Variants in TMEM252 observed in about 807,000 individuals in gnomAD.
TMEM252 encodes transmembrane protein C9orf71.
A neutral mutation model predicts 6.4 loss-of-function variants in TMEM252; 4 were observed. That is an observed-to-expected ratio of 0.62 (90% confidence interval 0.31 to 1.43). The LOEUF is 1.43. Among genes scored for constraint, TMEM252 ranks in the 40% most tolerant of loss-of-function variants. The pLI, the probability that TMEM252 is intolerant of heterozygous loss-of-function variation, is 0.07. For missense variants in TMEM252, 207 were observed against 209.4 expected (o/e 0.99, Z 0.07); for synonymous variants, 85 against 82.5 (o/e 1.03, Z -0.17).
chr9:68,538,991 T>C (rs989400467), intron 1 of TMEM252, among the ~76,000 whole-genome samples: 8 of 152,210 alleles, frequency 5.3e-5, no homozygotes, highest in African/African-American at 1.9e-4. Flanking sequence ...TTCTCTTAAT[T>C]TTTAATCAAA....
chr9:68,538,344 G>C (rs936798813), intron 1 of TMEM252, among the ~76,000 whole-genome samples: 1 of 152,222 alleles, frequency 6.6e-6, no homozygotes, highest in Admixed American at 6.5e-5. Flanking sequence ...AACCACAACA[G>C]AACAGGGACT....
In TMEM252 at chr9:68,537,494, C is replaced by T; in HGVS notation, c.279-1G>A. 4 of 1,599,566 alleles carry T rather than the reference C, an allele frequency of 2.5e-6. No individual in the cohort carries two copies. The highest frequency in any genetic ancestry group is 3.4e-6 in the Non-Finnish European group (4 of 1,175,698). On this transcript the variant is annotated splice_acceptor_variant, in intron 1 of 1. Coordinates refer to ENST00000377311, the MANE Select transcript of TMEM252 (RefSeq NM_153237.2). LOFTEE classifies it high-confidence loss of function. ...ATAAGCTGGAGGGTAAAAGTCTGGCCTAGGGGACAAAACAGCATAAACATG... is the reference window on the plus strand; with the variant it reads ...ATAAGCTGGAGGGTAAAAGTCTGGCTTAGGGGACAAAACAGCATAAACATG...
rs1041958298 is a variant in TMEM252, at chr9:68,536,919, T to A, written c.*340A>T. On this transcript the variant is annotated 3_prime_UTR_variant, in exon 2 of 2. Coordinates refer to ENST00000377311, the MANE Select transcript of TMEM252 (RefSeq NM_153237.2). The stretch of plus-strand genomic sequence containing the variant: ...AGCATCTATTCCTCCCTGGCTGGAG[T>A]TGAGGTGATGGGAGGGAAATTGAGT... 6 of 239,562 alleles carry A rather than the reference T, an allele frequency of 2.5e-5. No homozygotes were observed. In the South Asian group the frequency reaches 4.1e-4, roughly 16 times the overall value. 14.8% of individuals were successfully genotyped at this position (239,562 alleles called of 1,614,324 possible). A position where few individuals can be genotyped will look rare whatever the true frequency, so the allele number is the denominator to read the frequency against.
At position 68,540,790 on chromosome 9, in the gene TMEM252, G is replaced by A. The variant is rs765629059; in HGVS notation, c.25C>T (p.Leu9Phe). The change falls in exon 1 of 2, where the codon CTC (leucine) becomes TTC (phenylalanine). Residue 9 changes from leucine (L) to phenylalanine (F), a missense_variant. Leu to Phe is a conservative substitution (Grantham distance 22). Transcript: ENST00000377311. Reference protein sequence around the residue: MQNRTGLILCALALLMGFL... With the variant: MQNRTGLIFCALALLMGFL... ...CCCATCAGGAGGGCAAGAGCACAGAGAATGAGGCCAGTTCTGTTCTGCATC... is the reference window on the plus strand; with the variant it reads ...CCCATCAGGAGGGCAAGAGCACAGAAAATGAGGCCAGTTCTGTTCTGCATC... The A allele has an allele frequency of 2.5e-6, 4 of 1,614,074 alleles. No individual in the cohort carries two copies. In the South Asian group the frequency reaches 3.3e-5, roughly 13 times the overall value.
rs566744205 is a variant in TMEM252 at position 68,540,690 on chromosome 9, G to T, written c.125C>A (p.Ala42Glu). Reference protein sequence around the residue: ...SIFDCQGSLIAAYLLLPLGFV... With the variant: ...SIFDCQGSLIEAYLLLPLGFV... The stretch of plus-strand genomic sequence containing the variant: ...CCCCAGAGGCAGAAGCAAATAGGCC[G>T]CAATCAGGCTCCCCTGACAGTCGAA... Residue 42 changes from alanine (A) to glutamate (E), a missense_variant, in exon 1 of 2, where the codon GCG becomes GAG. By Grantham distance (107) the Ala-to-Glu change is moderately radical. Coordinates refer to ENST00000377311, the MANE Select transcript of TMEM252 (RefSeq NM_153237.2). 1 of 1,613,978 alleles carries T rather than the reference G, an allele frequency of 6.2e-7. No individual in the cohort carries two copies. Among genetic ancestry groups the T allele is most frequent in the East Asian group, 2.2e-5 (1 of 44,878 alleles).
intron 1 of TMEM252, 113 bp from the exon 2 acceptor site, chr9:68,537,606 T>G: frequency 1.3e-6 from 1 of 791,438 alleles, no homozygotes; most frequent in South Asian, 1.9e-5. Context: ...TTAAGAAACA[T>G]GGATTTTTGA....
chr9:68,539,014 G>A (rs188791967), intron 1 of TMEM252, among the ~76,000 whole-genome samples: 1 of 152,182 alleles, frequency 6.6e-6, no homozygotes, highest in East Asian at 1.9e-4. Flanking sequence ...CAGAAACTCT[G>A]CTGGTTAGTA....
intron 1 of TMEM252, among the ~76,000 whole-genome samples, chr9:68,539,584 G>A (rs1176223575): frequency 6.6e-6 from 1 of 152,218 alleles, no homozygotes; most frequent in East Asian, 1.9e-4. Context: ...TTAGCATAAT[G>A]TTTTCAACTT....
chr9:68,540,470 T>G, intron 1 of TMEM252, 67 bp downstream of exon 1: 1 of 1,588,802 alleles, frequency 6.3e-7, no homozygotes, highest in East Asian at 2.2e-5. Context: ...GGATCAGAAA[T>G]TACTCAGATC....
rs371602352 is a variant in TMEM252, at chr9:68,537,373, G to A, written c.399C>T (p.Phe133=). 6.2e-7 allele frequency: 1 copy of A among 1,608,548 alleles called. No homozygotes were observed. The highest frequency in any genetic ancestry group is 8.5e-7 in the Non-Finnish European group (1 of 1,178,218). ...CTGGGTGGGAGTCATTTCCATCCTG[G>A]AATTCCAGGCCCGTCTCTGTATATA... ...PPLYTETGLE[F]QDGNDSHPEA... The change falls in exon 2 of 2, where the codon TTC becomes TTT. Residue 133 remains phenylalanine, a synonymous_variant. Coordinates refer to ENST00000377311, the MANE Select transcript of TMEM252 (RefSeq NM_153237.2).
In TMEM252 at chr9:68,536,702, T is replaced by G. The variant is rs958425355; in HGVS notation, c.*557A>C. 2.0e-5 allele frequency: 3 copies of G among 152,278 alleles called. No homozygotes were observed. Among genetic ancestry groups the G allele is most frequent in the African/African-American group, 7.2e-5 (3 of 41,442 alleles). 9.4% of individuals were successfully genotyped at this position (152,278 alleles called of 1,614,324 possible). On this transcript the variant is annotated 3_prime_UTR_variant, in exon 2 of 2. Coordinates refer to ENST00000377311, the MANE Select transcript of TMEM252 (RefSeq NM_153237.2). ...AAAATAAAATAATACAAAATAACAT[T>G]CATGGGTTCCGAGGGCATATCTCCC...
Position 68,540,820 on chromosome 9 carries a change from C to T in TMEM252, c.-6G>A. On this transcript the variant is annotated 5_prime_UTR_variant, in exon 1 of 2. Transcript: ENST00000377311. ...AGGCCAGTTCTGTTCTGCATCCTTG[C>T]ACCTTAGGAACCCAGCACCCTGACC... The T allele has an allele frequency of 6.2e-7, 1 of 1,612,190 alleles. No homozygotes were observed. The highest frequency in any genetic ancestry group is 1.1e-5 in the South Asian group (1 of 91,044).
At position 68,540,785 on chromosome 9, in the gene TMEM252, A is replaced by G. The variant is rs764675427; in HGVS notation, c.30T>C (p.Cys10=). MQNRTGLIL[C]ALALLMGFLM... is the part of the protein sequence containing the mutation. ...GGAAACCCATCAGGAGGGCAAGAGC[A>G]CAGAGAATGAGGCCAGTTCTGTTCT... The change falls in exon 1 of 2, where the codon TGT becomes TGC. Residue 10 remains cysteine, a synonymous_variant. Coordinates refer to ENST00000377311, the MANE Select transcript of TMEM252 (RefSeq NM_153237.2). 2 of 1,613,992 alleles carry G rather than the reference A, an allele frequency of 1.2e-6. No homozygotes were observed. The highest frequency in any genetic ancestry group is 1.7e-6 in the Non-Finnish European group (2 of 1,180,014).
At position 68,537,317 on chromosome 9, in the gene TMEM252, G is replaced by A. The variant is rs201004451; in HGVS notation, c.455C>T (p.Ala152Val). Residue 152 changes from alanine (A) to valine (V), a missense_variant, in exon 2 of 2, where the codon GCC (alanine) becomes GTC (valine). Ala to Val is a moderately conservative substitution (Grantham distance 64). Transcript: ENST00000377311. ...EAPPSYRESIAGLVVTAISED... is the reference protein window; with the variant it reads ...EAPPSYRESIVGLVVTAISED... ...TGAGATTGCTGTCACCACCAGGCCG[G>A]CTATGGACTCTCTATAAGATGGTGG... The A allele has an allele frequency of 3.7e-6, 6 of 1,600,874 alleles. No homozygotes were observed. The African/African-American group carries it at 8.1e-5, about 22-fold the overall frequency.
Position 68,537,121 on chromosome 9 carries a change from G to A in TMEM252, c.*138C>T. On this transcript the variant is annotated 3_prime_UTR_variant, in exon 2 of 2. Transcript: ENST00000377311. Reference sequence around the variant, plus strand: ...CATGGCCAGTTATGTCTGGAATTCAGGGCTGTCATCCCCTCCCCAAGCTCT... The same window carrying A: ...CATGGCCAGTTATGTCTGGAATTCAAGGCTGTCATCCCCTCCCCAAGCTCT... 1.3e-6 allele frequency: 1 copy of A among 762,080 alleles called. No homozygotes were observed. The highest frequency in any genetic ancestry group is 2.1e-6 in the Non-Finnish European group (1 of 485,100). 47.2% of individuals were successfully genotyped at this position (762,080 alleles called of 1,614,324 possible).
chr9:68,540,509 C>G (rs751647863), intron 1 of TMEM252, 28 bp downstream of exon 1: 2 of 1,610,308 alleles, frequency 1.2e-6, no homozygotes, highest in African/African-American at 2.7e-5. Flanking sequence ...CTCAGCCCTT[C>G]TTGGTCCCTC....
In TMEM252 at chr9:68,537,510, C is replaced by G; in HGVS notation, c.279-17G>C. On this transcript the variant is annotated splice_polypyrimidine_tract_variant and intron_variant, in intron 1 of 1. Coordinates refer to ENST00000377311, the MANE Select transcript of TMEM252 (RefSeq NM_153237.2). ...AAGTCTGGCCTAGGGGACAAAACAG[C>G]ATAAACATGCGTGCGTTATTTAGGC... is the stretch of plus-strand genomic sequence containing the variant. 6.3e-7 allele frequency: 1 copy of G among 1,585,414 alleles called. No individual in the cohort carries two copies.
intron 1 of TMEM252, among the ~76,000 whole-genome samples, chr9:68,538,270 T>A (rs1332582099): frequency 6.6e-6 from 1 of 152,188 alleles, no homozygotes; most frequent in Non-Finnish European, 1.5e-5. Flanking sequence ...ACCGGTGAGC[T>A]TGGCTGAGTT....
intron 1 of TMEM252, among the ~76,000 whole-genome samples, chr9:68,538,868 A>G (rs183942116): frequency 1.3e-5 from 2 of 152,312 alleles, no homozygotes; most frequent in East Asian, 3.9e-4. Context: ...TTTAAGCTAT[A>G]TCCTAAAGGC....
Sources: gnomAD v4.1 joint callset for allele counts (sites outside exome capture counted in the v4.1 genomes callset) on GRCh38, gnomAD v4.1.1 for gene constraint, MANE v1.5 for transcripts, NCBI Gene and HGNC (gene_info 2026-07-23, HGNC 2026-07-21) for gene names.